Variants in ADGRB3 observed in about 807,000 individuals in gnomAD.
The protein encoded by ADGRB3 is brain-specific angiogenesis inhibitor 3.
Under a neutral mutation model 193.4 loss-of-function variants are expected in ADGRB3, and 37 were observed. The ratio of observed to expected loss-of-function variants is 0.19; its 90% CI spans 0.15 to 0.25. The LOEUF is 0.25. Ranked by LOEUF, ADGRB3 falls within the 10% of genes least tolerant of loss-of-function variation. The pLI, the probability that ADGRB3 is intolerant of heterozygous loss-of-function variation, is 1.00. For synonymous variants in ADGRB3, 690 were observed against 644.2 expected (o/e 1.07, Z -1.08); for missense variants, 1,637 against 1,852.9 (o/e 0.88, Z 2.14).
intron 3 of ADGRB3, among the ~76,000 whole-genome samples, chr6:68,690,717 T>C (rs1367920332): frequency 6.6e-6 from 1 of 152,148 alleles, no homozygotes; most frequent in East Asian, 1.9e-4. Context: ...AGAGATTGGA[T>C]AACAGCTACC....
At chr6:68,867,923 C>T (rs1245754016) in intron 3 of ADGRB3, among the ~76,000 whole-genome samples, 1 of 152,180 alleles carries the variant, frequency 6.6e-6, no homozygotes, top group Non-Finnish European at 1.5e-5. Flanking sequence ...AAGTAACTAA[C>T]TTGCTTTTGA....
chr6:69,334,474 G>A lies in ADGRB3; in HGVS notation c.3188+1466G>A, dbSNP rs189712413. ...CATGACTGAAAGTTTCTTCCTGAGC[G>A]GGGATCACTTCTCTCATTTAGAGGC... On this transcript the variant is annotated intron_variant, in intron 24 of 31. Transcript: ENST00000370598. Among the ~76,000 whole-genome samples the A allele has an allele frequency of 2.1e-3, 320 of 152,232 alleles. 4 individuals carry two copies. Among genetic ancestry groups the A allele is most frequent in the Admixed American group, 5.0e-3 (77 of 15,288 alleles).
chr6:68,975,462 A>G, intron 10 of ADGRB3, 122 bp downstream of exon 10: 2 of 703,832 alleles, frequency 2.8e-6, no homozygotes, highest in Middle Eastern at 2.9e-4. Flanking sequence ...AAATGCCTGA[A>G]GGAGAAAGCA....
chr6:68,677,535 T>C (rs1769126328), intron 3 of ADGRB3, among the ~76,000 whole-genome samples: 2 of 149,370 alleles, frequency 1.3e-5, no homozygotes, highest in South Asian at 4.3e-4. Context: ...TTTTTTTTTT[T>C]TTTGACAGGT....
intron 11 of ADGRB3, among the ~76,000 whole-genome samples, chr6:69,008,499 T>A (rs540600150): frequency 2.6e-4 from 40 of 152,312 alleles, no homozygotes; most frequent in African/African-American, 9.4e-4. Flanking sequence ...TTCTTTTTTC[T>A]TGCCAAAGCT....
At chr6:69,001,524 A>C (rs1582384668) in intron 11 of ADGRB3, among the ~76,000 whole-genome samples, 1 of 152,234 alleles carries the variant, frequency 6.6e-6, no homozygotes, top group East Asian at 1.9e-4. Context: ...AGGGGGAATA[A>C]GCCCATGGAG....
chr6:69,280,751 C>G (rs1024103415), intron 20 of ADGRB3, among the ~76,000 whole-genome samples: 1 of 151,950 alleles, frequency 6.6e-6, no homozygotes, highest in Non-Finnish European at 1.5e-5. Flanking sequence ...AATATGTAAC[C>G]CAGTTCTCAA....
At chr6:68,717,327 T>C (rs1765505326) in intron 3 of ADGRB3, among the ~76,000 whole-genome samples, 1 of 151,732 alleles carries the variant, frequency 6.6e-6, no homozygotes, top group Non-Finnish European at 1.5e-5. Context: ...TAGATGCTAA[T>C]GTCCCCAATT....
At chr6:68,775,483 G>C (rs1246168153) in intron 3 of ADGRB3, among the ~76,000 whole-genome samples, 1 of 152,098 alleles carries the variant, frequency 6.6e-6, no homozygotes, top group Non-Finnish European at 1.5e-5. Flanking sequence ...CTTCCAGATA[G>C]CAGCTGGCCA....
intron 17 of ADGRB3, among the ~76,000 whole-genome samples, chr6:69,147,470 T>C (rs1303653952): frequency 6.6e-6 from 1 of 152,234 alleles, no homozygotes; most frequent in African/African-American, 2.4e-5. Context: ...CCTCTTGTTA[T>C]TTATTTCTAG....
rs560848601 is a variant in ADGRB3, at chr6:68,943,691, TAAG to T, written c.1031-136_1031-134del. On this transcript the variant is annotated intron_variant, in intron 5 of 31. Coordinates refer to ENST00000370598, the MANE Select transcript of ADGRB3 (RefSeq NM_001704.3). Reference sequence around the variant, plus strand: ...ATTAATAATTGTATTTTATAAAAAATAAGAATGTTATCTCAACTGAGTTTTAAC... The same window carrying T: ...ATTAATAATTGTATTTTATAAAAAATAATGTTATCTCAACTGAGTTTTAAC... 9.9e-5 allele frequency: 61 copies of T among 616,094 alleles called. 1 individual carries two copies. In the South Asian group the frequency reaches 3.5e-3, roughly 36 times the overall value. 38.2% of individuals were successfully genotyped at this position (616,094 alleles called of 1,614,324 possible).
rs576506232 is a variant in ADGRB3, at chr6:69,197,364, A to G, written c.2481-35926A>G. Among the ~76,000 whole-genome samples the G allele has an allele frequency of 3.6e-3, 554 of 152,026 alleles. 8 individuals carry two copies. Among genetic ancestry groups the G allele is most frequent in the African/African-American group, 0.013 (529 of 41,478 alleles). ...CATGTGTATTATAGTAACAGGATTT[A>G]TGTTGGGGCCTAAATATTTAAAGCA... is the stretch of plus-strand genomic sequence containing the variant. On this transcript the variant is annotated intron_variant, in intron 17 of 31. Transcript: ENST00000370598.
chr6:68,669,074 TA>T (rs1302928792), intron 3 of ADGRB3, among the ~76,000 whole-genome samples: 1 of 151,866 alleles, frequency 6.6e-6, no homozygotes, highest in Non-Finnish European at 1.5e-5. Flanking sequence ...TTATAATTTT[TA>T]AAAAAATGTG....
chr6:69,117,436 A>G (rs1773566343), intron 17 of ADGRB3, among the ~76,000 whole-genome samples: 1 of 152,194 alleles, frequency 6.6e-6, no homozygotes, highest in African/African-American at 2.4e-5. Flanking sequence ...GCTATCAGGC[A>G]TACATTAATA....
intron 20 of ADGRB3, among the ~76,000 whole-genome samples, chr6:69,310,319 A>C (rs976060735): frequency 6.6e-6 from 1 of 151,748 alleles, no homozygotes; most frequent in African/African-American, 2.4e-5. Context: ...ACCCAGAAAG[A>C]CAGATTCAGC....
intron 3 of ADGRB3, among the ~76,000 whole-genome samples, chr6:68,924,884 T>C (rs891370949): frequency 5.3e-5 from 8 of 151,954 alleles, no homozygotes; most frequent in Non-Finnish European, 1.0e-4. Flanking sequence ...TAATATTGAT[T>C]AATCTTATTT....
At chr6:68,857,919 A>G (rs117131535) in intron 3 of ADGRB3, among the ~76,000 whole-genome samples, 14,236 of 152,108 alleles carry the variant, frequency 0.094, 887 homozygotes, top group Non-Finnish European at 0.13. Flanking sequence ...TGCTATTCTC[A>G]TGATACTTAA....
At chr6:68,955,784 T>A (rs569980944) in intron 6 of ADGRB3, among the ~76,000 whole-genome samples, 2 of 150,150 alleles carry the variant, frequency 1.3e-5, no homozygotes, top group South Asian at 4.2e-4. Flanking sequence ...AGAGCAAGAC[T>A]CCATCTCCAA....
At chr6:68,837,085 T>C (rs1768059866) in intron 3 of ADGRB3, among the ~76,000 whole-genome samples, 1 of 152,164 alleles carries the variant, frequency 6.6e-6, no homozygotes, top group African/African-American at 2.4e-5. Flanking sequence ...TACTCAAATA[T>C]TTTTGATAGA....
Sources: gnomAD v4.1 joint callset for allele counts (sites outside exome capture counted in the v4.1 genomes callset) on GRCh38, gnomAD v4.1.1 for gene constraint, MANE v1.5 for transcripts, NCBI Gene and HGNC (gene_info 2026-07-23, HGNC 2026-07-21) for gene names.